Variants in ANKRD26 observed in about 807,000 individuals in gnomAD.
The protein encoded by ANKRD26 is ankyrin repeat domain 26.
Under a neutral mutation model 208.7 loss-of-function variants are expected in ANKRD26, and 141 were observed. That is an observed-to-expected ratio of 0.68 (90% CI 0.59 to 0.78). The LOEUF (loss-of-function observed/expected upper bound fraction) is 0.78. ANKRD26 is among the 30% of genes least tolerant of loss of function. The pLI, the probability that ANKRD26 is intolerant of heterozygous loss-of-function variation, is 0.00. For synonymous variants in ANKRD26, 636 were observed against 660.4 expected (o/e 0.96, Z 0.57); for missense variants, 1,889 against 1,938.7 (o/e 0.97, Z 0.48).
At chr10:27,022,198 A>T (rs1379980101) in intron 29 of ANKRD26, among the ~76,000 whole-genome samples, 2 of 152,144 alleles carry the variant, frequency 1.3e-5, no homozygotes, top group African/African-American at 4.8e-5. Context: ...CTCACTACTA[A>T]GTGGGAGCTA....
chr10:27,004,971 T>C lies in ANKRD26; in HGVS notation c.*619A>G. The C allele has an allele frequency of 1.1e-6, 1 of 901,470 alleles. No individual in the cohort carries two copies. The highest frequency in any genetic ancestry group is 1.3e-6 in the Non-Finnish European group (1 of 753,452). 55.8% of individuals were successfully genotyped at this position (901,470 alleles called of 1,614,324 possible). A position where few individuals can be genotyped will look rare whatever the true frequency, so the allele number is the denominator to read the frequency against. The stretch of plus-strand genomic sequence containing the variant: ...AGTAATCAGGGGTGATGACATAATG[T>C]CAGCAATTTACTCTCAAATTGTTCG... On this transcript the variant is annotated 3_prime_UTR_variant, in exon 34 of 34. Transcript: ENST00000376087.
chr10:27,027,960 CTTA>C (rs1175034818), intron 27 of ANKRD26, among the ~76,000 whole-genome samples: 4 of 152,132 alleles, frequency 2.6e-5, no homozygotes, highest in African/African-American at 9.7e-5. Flanking sequence ...ATATCCAATA[CTTA>C]TTATAAGATA....
In ANKRD26 at chr10:27,004,965, A is replaced by C; in HGVS notation, c.*625T>G. 1 of 875,530 alleles carries C rather than the reference A, an allele frequency of 1.1e-6. No individual in the cohort carries two copies. 54.2% of individuals were successfully genotyped at this position (875,530 alleles called of 1,614,324 possible). A position where few individuals can be genotyped will look rare whatever the true frequency, so the allele number is the denominator to read the frequency against. On this transcript the variant is annotated 3_prime_UTR_variant, in exon 34 of 34. Coordinates refer to ENST00000376087, the MANE Select transcript of ANKRD26 (RefSeq NM_014915.3). ...CACTAAAGTAATCAGGGGTGATGAC[A>C]TAATGTCAGCAATTTACTCTCAAAT... is the stretch of plus-strand genomic sequence containing the variant.
chr10:27,016,398 G>A (rs553052402), intron 30 of ANKRD26, among the ~76,000 whole-genome samples: 2 of 151,816 alleles, frequency 1.3e-5, no homozygotes, highest in Admixed American at 1.3e-4. Context: ...TCAGTCTCCC[G>A]AGTAACTGGG....
At chr10:26,960,540 C>T in the ANKRD26 span, among the ~76,000 whole-genome samples, 1 of 152,158 alleles carries the variant, frequency 6.6e-6, no homozygotes, top group Non-Finnish European at 1.5e-5. Flanking sequence ...CAGGCTCTGC[C>T]CAAATTTCTG....
intron 1 of ANKRD26, among the ~76,000 whole-genome samples, chr10:27,095,151 C>T (rs950782059): frequency 6.6e-5 from 10 of 152,036 alleles, no homozygotes; most frequent in Admixed American, 5.2e-4. Flanking sequence ...AATTGAAAAA[C>T]AGATTTTTAA....
At chr10:27,078,622 G>A (rs1353594323) in intron 7 of ANKRD26, among the ~76,000 whole-genome samples, 1 of 151,966 alleles carries the variant, frequency 6.6e-6, no homozygotes, top group Non-Finnish European at 1.5e-5. Context: ...AAATACTTCT[G>A]TAGTAAACAG....
At chr10:27,099,082 C>A (rs2056561503) in intron 1 of ANKRD26, among the ~76,000 whole-genome samples, 1 of 152,220 alleles carries the variant, frequency 6.6e-6, no homozygotes. Context: ...CCTCTGCCTC[C>A]CAGGTTCAAG....
the ANKRD26 span, among the ~76,000 whole-genome samples, chr10:26,952,163 C>T: frequency 2.3e-4 from 35 of 152,208 alleles, 1 homozygote; most frequent in South Asian, 1.0e-3. Context: ...TTGCTTGTCC[C>T]GTCCCATGGA....
At chr10:27,079,276 A>G in intron 6 of ANKRD26, 115 bp from the exon 7 acceptor site, 2 of 783,236 alleles carry the variant, frequency 2.6e-6, no homozygotes, top group Non-Finnish European at 2.2e-6. Context: ...AACCTGGTGA[A>G]AGGTCAACTG....
At chr10:27,071,113 CA>C (rs2055471175) in intron 9 of ANKRD26, among the ~76,000 whole-genome samples, 1 of 150,848 alleles carries the variant, frequency 6.6e-6, no homozygotes, top group African/African-American at 2.4e-5. Flanking sequence ...TAATTATTAG[CA>C]CAAGATAAAT....
intron 30 of ANKRD26, among the ~76,000 whole-genome samples, chr10:27,015,658 A>G (rs2053264966): frequency 6.6e-6 from 1 of 152,190 alleles, no homozygotes; most frequent in Non-Finnish European, 1.5e-5. Context: ...AGCCTGAGGG[A>G]AGGGAAAGAG....
At chr10:27,027,594 T>G (rs2053706402) in intron 27 of ANKRD26, among the ~76,000 whole-genome samples, 1 of 152,162 alleles carries the variant, frequency 6.6e-6, no homozygotes, top group Non-Finnish European at 1.5e-5. Flanking sequence ...TATTAAAATC[T>G]TACTACCAAA....
intron 4 of ANKRD26, chr10:27,088,482 G>A (rs746749709): frequency 6.6e-6 from 1 of 152,202 alleles, no homozygotes; most frequent in Non-Finnish European, 1.5e-5. Flanking sequence ...GCTTAGCTCT[G>A]TTCAATCCAA....
intron 6 of ANKRD26, chr10:27,080,835 C>A: frequency 1.0e-6 from 1 of 985,444 alleles, no homozygotes; most frequent in Non-Finnish European, 1.2e-6. Context: ...TAACAACTAC[C>A]CAACTCCATG....
intron 5 of ANKRD26, among the ~76,000 whole-genome samples, chr10:27,084,218 CAAAAA>C (rs1275450082): frequency 2.4e-5 from 2 of 82,452 alleles, no homozygotes; most frequent in Admixed American, 1.4e-4. Context: ...AACTACATCT[CAAAAA>C]AAAAAAAAAA....
chr10:27,050,587 T>C (rs2054620020), intron 16 of ANKRD26, among the ~76,000 whole-genome samples: 1 of 152,236 alleles, frequency 6.6e-6, no homozygotes, highest in South Asian at 2.1e-4. Flanking sequence ...ATTAAAAAGA[T>C]CCCTTTGGCT....
chr10:27,029,361 A>C lies in ANKRD26; in HGVS notation c.3808-5T>G, dbSNP rs766285141. On this transcript the variant is annotated splice_region_variant and splice_polypyrimidine_tract_variant and intron_variant, in intron 25 of 33. Coordinates refer to ENST00000376087, the MANE Select transcript of ANKRD26 (RefSeq NM_014915.3). ...TCGATCCTGTGCTTCTTGCAACTAA[A>C]ACAAAGAATAAAAAAAACCCACTTT... 1 of 1,609,358 alleles carries C rather than the reference A, an allele frequency of 6.2e-7. No individual in the cohort carries two copies. Among genetic ancestry groups the C allele is most frequent in the Admixed American group, 1.7e-5 (1 of 59,714 alleles).
intron 25 of ANKRD26, among the ~76,000 whole-genome samples, chr10:27,032,627 C>T (rs1005828019): frequency 1.6e-4 from 23 of 148,116 alleles, no homozygotes; most frequent in Non-Finnish European, 3.1e-4. Flanking sequence ...CAGAGCGAGA[C>T]TCTGTCTCAA....
Sources: gnomAD v4.1 joint callset for allele counts (sites outside exome capture counted in the v4.1 genomes callset) on GRCh38, gnomAD v4.1.1 for gene constraint, MANE v1.5 for transcripts, NCBI Gene and HGNC (gene_info 2026-07-23, HGNC 2026-07-21) for gene names.